PAPOLA: variants seen among roughly 807,000 people sequenced by gnomAD.
PAPOLA encodes the protein polynucleotide adenylyltransferase alpha.
PAPOLA carries 15 observed loss-of-function variants against 100.6 expected under a neutral mutation model. The ratio of observed to expected loss-of-function variants is 0.15; its 90% CI spans 0.10 to 0.23. The LOEUF (loss-of-function observed/expected upper bound fraction) is 0.23, where lower values mean the gene tolerates loss of function less well. PAPOLA is among the 10% of genes least tolerant of loss of function. The probability of loss-of-function intolerance (pLI) is 1.00; values close to 1 mark genes in which losing one functional copy is unlikely to be tolerated. For synonymous variants in PAPOLA, 293 were observed against 300.0 expected (o/e 0.98, Z 0.24); for missense variants, 533 against 884.2 (o/e 0.60, Z 5.04).
intron 19 of PAPOLA, chr14:96,560,327 G>C (rs1901734036): frequency 5.1e-6 from 1 of 197,660 alleles, no homozygotes; most frequent in South Asian, 1.2e-4. Flanking sequence ...TCCTAAAGTT[G>C]TATGATCAGG....
intron 14 of PAPOLA, 36 bp downstream of exon 14, chr14:96,542,929 T>C (rs749458076): frequency 1.9e-6 from 3 of 1,603,820 alleles, no homozygotes; most frequent in Non-Finnish European, 2.5e-6. Context: ...TTCTTCCCAT[T>C]TCCAATTTTT....
chr14:96,534,167 A>G (rs1899315157), intron 9 of PAPOLA: 1 of 1,080,920 alleles, frequency 9.3e-7, no homozygotes, highest in East Asian at 6.3e-5. Flanking sequence ...TTCAGTGGAG[A>G]TTTATTCTGT....
Position 96,565,824 on chromosome 14 carries a change from A to AAAAC in PAPOLA, c.*786_*789dup, listed in dbSNP as rs548473882. On this transcript the variant is annotated 3_prime_UTR_variant, in exon 22 of 22. Coordinates refer to ENST00000216277, the MANE Select transcript of PAPOLA (RefSeq NM_032632.5). Reference sequence around the variant, plus strand: ...CTTTTGCCTTCAATCTGTTGTCTTCAAAACAAACAAACAAAAAAAGCTTCT... The same window carrying AAAAC: ...CTTTTGCCTTCAATCTGTTGTCTTCAAAACAAACAAACAAACAAAAAAAGCTTCT... The AAAAC allele has an allele frequency of 2.5e-6, 1 of 397,524 alleles. No homozygotes were observed. Among genetic ancestry groups the AAAAC allele is most frequent in the Non-Finnish European group, 4.4e-6 (1 of 225,246 alleles). The allele number at this position is 397,524 out of a possible 1,614,324, so 24.6% of individuals were successfully genotyped here. A position where few individuals can be genotyped will look rare whatever the true frequency, so the allele number is the denominator to read the frequency against.
At chr14:96,511,454 A>G (rs1310274010) in intron 1 of PAPOLA, among the ~76,000 whole-genome samples, 1 of 152,130 alleles carries the variant, frequency 6.6e-6, no homozygotes, top group Non-Finnish European at 1.5e-5. Flanking sequence ...TAAGGAAAAC[A>G]CCAATGGAAA....
intron 11 of PAPOLA, among the ~76,000 whole-genome samples, chr14:96,536,322 A>G (rs1899524517): frequency 6.6e-6 from 1 of 152,134 alleles, no homozygotes; most frequent in Non-Finnish European, 1.5e-5. Context: ...AGCAGGCTGT[A>G]TACTCCTGGG....
chr14:96,557,214 T>C (rs969835131), intron 19 of PAPOLA, among the ~76,000 whole-genome samples: 6 of 152,202 alleles, frequency 3.9e-5, no homozygotes, highest in African/African-American at 1.2e-4. Context: ...CCTGCCTAAT[T>C]TAAAAAAAGA....
chr14:96,520,830 GAA>G (rs929787211), intron 2 of PAPOLA, 174 bp from the exon 3 acceptor site: 57 of 519,422 alleles, frequency 1.1e-4, no homozygotes, highest in Admixed American at 2.6e-4. Context: ...TATATATATA[GAA>G]AGAGAGAGAG....
intron 12 of PAPOLA, chr14:96,537,862 CT>C (rs1379527152): frequency 6.6e-6 from 1 of 151,774 alleles, no homozygotes; most frequent in African/African-American, 2.4e-5. Flanking sequence ...AGCAAGATTG[CT>C]TTATGCTCTT....
At chr14:96,530,885 A>T (rs993961714) in intron 6 of PAPOLA, among the ~76,000 whole-genome samples, 9 of 150,472 alleles carry the variant, frequency 6.0e-5, no homozygotes, top group Admixed American at 6.6e-5. Flanking sequence ...CATGGTTTTG[A>T]CTTACCGCAA....
chr14:96,525,865 C>T (rs1595519774), intron 4 of PAPOLA: 1 of 152,508 alleles, frequency 6.6e-6, no homozygotes, highest in Non-Finnish European at 1.5e-5. Flanking sequence ...AGTACAGATA[C>T]AGAGTAGTTT....
At chr14:96,538,835 A>T (rs1899746136) in intron 12 of PAPOLA, among the ~76,000 whole-genome samples, 1 of 152,084 alleles carries the variant, frequency 6.6e-6, no homozygotes, top group African/African-American at 2.4e-5. Flanking sequence ...GGAAATGTTT[A>T]GTCTTCCCAT....
In PAPOLA at chr14:96,528,989, CAA is replaced by C. The variant is rs377560683; in HGVS notation, c.495+985_495+986del. Reference sequence around the variant, plus strand: ...ATTTTCCTAAAAAGAATATTACTGACAAAGAGGACTTTTTTTTGGAAGGAGAC... The same window carrying C: ...ATTTTCCTAAAAAGAATATTACTGACAGAGGACTTTTTTTTGGAAGGAGAC... On this transcript the variant is annotated intron_variant, in intron 6 of 21. Transcript: ENST00000216277. 1.6e-4 allele frequency among the ~76,000 whole-genome samples: 24 copies of C among 152,138 alleles called. No homozygotes were observed. The South Asian group carries it at 5.0e-3, about 32-fold the overall frequency.
chr14:96,530,182 G>A (rs973177015), intron 6 of PAPOLA, among the ~76,000 whole-genome samples: 14 of 152,070 alleles, frequency 9.2e-5, no homozygotes, highest in African/African-American at 3.4e-4. Context: ...GTACTTTTTA[G>A]TATGTAATCA....
At chr14:96,557,293 C>T (rs1901423574) in intron 19 of PAPOLA, among the ~76,000 whole-genome samples, 1 of 152,226 alleles carries the variant, frequency 6.6e-6, no homozygotes, top group Non-Finnish European at 1.5e-5. Flanking sequence ...TCAAGCGATC[C>T]TCCTGTCTTG....
At chr14:96,502,787 G>T (rs1357500434) in intron 1 of PAPOLA, 187 bp downstream of exon 1, 1 of 585,262 alleles carries the variant, frequency 1.7e-6, no homozygotes. Context: ...CCGTGTGCTG[G>T]GTTCCCGCGT....
In PAPOLA at chr14:96,566,366, A is replaced by G. The variant is rs186921570; in HGVS notation, c.*1316A>G. 1.3e-5 allele frequency: 2 copies of G among 153,884 alleles called. No homozygotes were observed. The highest frequency in any genetic ancestry group is 4.8e-5 in the African/African-American group (2 of 41,636). 9.5% of individuals were successfully genotyped at this position (153,884 alleles called of 1,614,324 possible). On this transcript the variant is annotated 3_prime_UTR_variant, in exon 22 of 22. Coordinates refer to ENST00000216277, the MANE Select transcript of PAPOLA (RefSeq NM_032632.5). ...AAATAATTTCTCATAATTAAGCAGT[A>G]GAAGATCTATCTTCACAAAGTATGA...
At chr14:96,512,762 A>C (rs1025232795) in intron 1 of PAPOLA, among the ~76,000 whole-genome samples, 1 of 152,222 alleles carries the variant, frequency 6.6e-6, no homozygotes, top group Non-Finnish European at 1.5e-5. Context: ...ATGGATATTT[A>C]GGTGGTTTCC....
chr14:96,538,651 A>G (rs1048053039), intron 12 of PAPOLA, among the ~76,000 whole-genome samples: 2 of 152,034 alleles, frequency 1.3e-5, no homozygotes, highest in South Asian at 2.1e-4. Flanking sequence ...AAATATGACA[A>G]TGGGCTAGTT....
At chr14:96,537,143 G>A (rs1432945336) in intron 12 of PAPOLA, 83 bp downstream of exon 12, 4 of 794,924 alleles carry the variant, frequency 5.0e-6, no homozygotes, top group East Asian at 5.1e-5. Flanking sequence ...TCTTCTTGCT[G>A]GACTAATGTT....
Sources: gnomAD v4.1 joint callset for allele counts (sites outside exome capture counted in the v4.1 genomes callset) on GRCh38, gnomAD v4.1.1 for gene constraint, MANE v1.5 for transcripts, NCBI Gene and HGNC (gene_info 2026-07-23, HGNC 2026-07-21) for gene names.